GAD1: variants seen among roughly 807,000 people sequenced by gnomAD.
The protein encoded by GAD1 is 67 kDa glutamic acid decarboxylase.
Under a neutral mutation model 75.2 loss-of-function variants are expected in GAD1, and 35 were observed. That is an observed-to-expected ratio of 0.47 (90% CI 0.36 to 0.62). The LOEUF is 0.62. GAD1 is among the 20% of genes least tolerant of loss of function. The pLI, the probability that GAD1 is intolerant of heterozygous loss-of-function variation, is 0.00. For synonymous variants in GAD1, 257 were observed against 271.9 expected (o/e 0.95, Z 0.54); for missense variants, 490 against 758.5 (o/e 0.65, Z 4.16).
intron 12 of GAD1, among the ~76,000 whole-genome samples, chr2:170,850,017 C>T (rs1413190489): frequency 6.6e-6 from 1 of 152,238 alleles, no homozygotes; most frequent in Non-Finnish European, 1.5e-5. Flanking sequence ...ATAACAAAGT[C>T]ACAATGATTC....
chr2:170,820,926 C>T (rs918133608), intron 2 of GAD1, among the ~76,000 whole-genome samples: 2 of 152,184 alleles, frequency 1.3e-5, no homozygotes, highest in Admixed American at 6.6e-5. Flanking sequence ...TTATCAGGTC[C>T]AAATAGCTCT....
At chr2:170,831,869 A>G (rs1346360191) in intron 5 of GAD1, among the ~76,000 whole-genome samples, 1 of 150,096 alleles carries the variant, frequency 6.7e-6, no homozygotes, top group East Asian at 1.9e-4. Flanking sequence ...CTGTAGTCCC[A>G]GCTACTCAGG....
chr2:170,847,629 A>G, intron 10 of GAD1, 47 bp from the exon 11 acceptor site: 1 of 1,270,042 alleles, frequency 7.9e-7, no homozygotes, highest in South Asian at 1.2e-5. Flanking sequence ...TCAGCAAATG[A>G]GAAAGGTTAA....
chr2:170,821,418 A>G (rs1039950082), intron 2 of GAD1, among the ~76,000 whole-genome samples: 3 of 152,110 alleles, frequency 2.0e-5, no homozygotes, highest in Non-Finnish European at 4.4e-5. Flanking sequence ...TGTCAGAGGG[A>G]AGGGTTAATG....
chr2:170,854,257 T>C (rs901112152), intron 14 of GAD1, among the ~76,000 whole-genome samples: 1 of 152,152 alleles, frequency 6.6e-6, no homozygotes, highest in Admixed American at 6.5e-5. Flanking sequence ...CTTATAACGT[T>C]CTCTTATAAC....
chr2:170,822,179 T>C, intron 3 of GAD1, 30 bp downstream of exon 3: 1 of 1,604,328 alleles, frequency 6.2e-7, no homozygotes, highest in Non-Finnish European at 8.5e-7. Context: ...GGGGCCCGGC[T>C]GGGTGGCGCG....
chr2:170,821,115 T>C (rs1006751862), intron 2 of GAD1, among the ~76,000 whole-genome samples: 1 of 152,200 alleles, frequency 6.6e-6, no homozygotes, highest in Non-Finnish European at 1.5e-5. Context: ...TGTGCGAAGC[T>C]GGAGGCACCA....
chr2:170,853,978 C>T lies in GAD1; in HGVS notation c.1369C>T (p.Arg457Cys). The T allele has an allele frequency of 6.2e-7, 1 of 1,613,990 alleles. No individual in the cohort carries two copies. The highest frequency in any genetic ancestry group is 1.1e-5 in the South Asian group (1 of 91,058). Residue 457 changes from arginine (R) to cysteine (C), a missense_variant, in exon 14 of 17, where the codon CGC (arginine) becomes TGC (cysteine). Coordinates refer to ENST00000358196, the MANE Select transcript of GAD1 (RefSeq NM_000817.3). This position sits in a 1 kb window ranked among gnomAD's most constrained non-coding sequence, Gnocchi z 4.1. The part of the protein sequence containing the change: ...DTGDKAIQCG[R>C]HVDIFKFWLM... ...CGGGGACAAGGCAATTCAGTGTGGC[C>T]GCCACGTGGATATCTTCAAGTTCTG...
intron 3 of GAD1, among the ~76,000 whole-genome samples, chr2:170,824,378 TACACACACAC>T (rs10529529): frequency 4.7e-4 from 69 of 146,410 alleles, no homozygotes; most frequent in South Asian, 2.2e-3. Flanking sequence ...CCTGCCTGCC[TACACACACAC>T]ACACACACAC....
At chr2:170,830,198 A>T (rs931954312) in intron 4 of GAD1, among the ~76,000 whole-genome samples, 14 of 152,192 alleles carry the variant, frequency 9.2e-5, no homozygotes, top group African/African-American at 3.4e-4. Flanking sequence ...CAGAAGGCAG[A>T]CCAGAGTATT....
intron 3 of GAD1, among the ~76,000 whole-genome samples, chr2:170,828,575 C>A (rs1702110472): frequency 7.1e-6 from 1 of 141,168 alleles, no homozygotes; most frequent in African/African-American, 2.7e-5. Context: ...TCCTCACCGT[C>A]CTCCTCTGCT....
chr2:170,852,858 G>A (rs562583290), intron 13 of GAD1, 66 bp downstream of exon 13: 47 of 1,377,862 alleles, frequency 3.4e-5, no homozygotes, highest in Middle Eastern at 1.8e-4. Context: ...AAAGACACAC[G>A]TGGGGTCTCT....
intron 3 of GAD1, among the ~76,000 whole-genome samples, chr2:170,826,083 C>T (rs978570380): frequency 3.9e-5 from 6 of 152,130 alleles, no homozygotes; most frequent in Non-Finnish European, 1.5e-5. Context: ...GAACAAACAC[C>T]TTCCTAAACA....
chr2:170,814,260 CTGT>C (rs1307460266), upstream of GAD1, among the ~76,000 whole-genome samples: 1 of 152,160 alleles, frequency 6.6e-6, no homozygotes, highest in Non-Finnish European at 1.5e-5. Context: ...ACAGCAGTTA[CTGT>C]CAGGAGGGAG....
At position 170,853,739 on chromosome 2, in the gene GAD1, G is replaced by T; in HGVS notation, c.1264-134G>T. 1 of 846,626 alleles carries T rather than the reference G, an allele frequency of 1.2e-6. No individual in the cohort carries two copies. The highest frequency in any genetic ancestry group is 1.4e-5 in the South Asian group (1 of 72,448). 52.4% of individuals were successfully genotyped at this position (846,626 alleles called of 1,614,324 possible). ...TTTAGAAAAGGGCATCAGAACAAGT[G>T]TAAGGCCTCATAAAGACATCAGAAG... On this transcript the variant is annotated intron_variant, in intron 13 of 16. Transcript: ENST00000358196. The surrounding 1 kb of genome is among the most constrained non-coding windows in gnomAD (Gnocchi z 4.1).
chr2:170,845,561 G>C lies in GAD1; in HGVS notation c.807G>C (p.Pro269=). The change falls in exon 8 of 17, where the codon CCG becomes CCC. Residue 269 remains proline (P), a synonymous_variant. Transcript: ENST00000358196. ...TGGCTGCTCGCTACAAGTACTTCCC[G>C]GAAGTTAAGACAAAGGGCATGGCGG... The part of the protein sequence containing the change: ...SIMAARYKYF[P]EVKTKGMAAV... 1 of 1,614,058 alleles carries C rather than the reference G, an allele frequency of 6.2e-7. No homozygotes were observed. Among genetic ancestry groups the C allele is most frequent in the Non-Finnish European group, 8.5e-7 (1 of 1,180,020 alleles).
At position 170,829,594 on chromosome 2, in the gene GAD1, C is replaced by G. The variant is rs150841255; in HGVS notation, c.265C>G (p.Arg89Gly). 29 of 1,613,602 alleles carry G rather than the reference C, an allele frequency of 1.8e-5. No homozygotes were observed. The highest frequency in any genetic ancestry group is 2.3e-5 in the Non-Finnish European group (27 of 1,180,042). The change falls in exon 4 of 17, where the codon CGG (arginine) becomes GGG (glycine). Residue 89 changes from arginine (R) to glycine (G), a missense_variant. Physicochemically the swap from Arg to Gly is moderately radical, Grantham distance 125. This residue lies in a region of GAD1 where 165 missense variants were observed against 216.4 expected (regional missense o/e 0.76). Transcript: ENST00000358196. ...AAACAGCGACCGGGATGCCCGCTTC[C>G]GGCGCACAGAGACTGACTTCTCTAA... is the stretch of plus-strand genomic sequence containing the variant. Reference protein sequence around the residue: ...CENSDRDARFRRTETDFSNLF... With the variant: ...CENSDRDARFGRTETDFSNLF...
intron 3 of GAD1, among the ~76,000 whole-genome samples, chr2:170,823,223 C>T (rs1701938177): frequency 6.6e-6 from 1 of 152,208 alleles, no homozygotes; most frequent in Non-Finnish European, 1.5e-5. Flanking sequence ...GCAGAGCAGG[C>T]ACGGGACACG....
Position 170,854,040 on chromosome 2 carries a change from C to T in GAD1, c.1413+18C>T. On this transcript the variant is annotated intron_variant, in intron 14 of 16. Transcript: ENST00000358196. The stretch of plus-strand genomic sequence containing the variant: ...AAGCAAAGGTATGAAGGGAATAGTT[C>T]AGGAAATAGAGCAGAAATGTAATTT... 1 of 1,613,964 alleles carries T rather than the reference C, an allele frequency of 6.2e-7. No homozygotes were observed. The highest frequency in any genetic ancestry group is 8.5e-7 in the Non-Finnish European group (1 of 1,179,904).
Sources: gnomAD v4.1 joint callset for allele counts (sites outside exome capture counted in the v4.1 genomes callset) on GRCh38, gnomAD v4.1.1 for gene constraint, gnomAD v4.1.1 regional missense constraint, Gnocchi (gnomAD v3.1) non-coding constraint, MANE v1.5 for transcripts, NCBI Gene and HGNC (gene_info 2026-07-23, HGNC 2026-07-21) for gene names.